Variants in USH2A observed in about 807,000 individuals in gnomAD.
USH2A encodes Usher syndrome 2A (autosomal recessive, mild).
USH2A carries 443 observed loss-of-function variants against 538.9 expected under a neutral mutation model. The observed-to-expected ratio is 0.82, with a 90% confidence interval of 0.76 to 0.89. USH2A has a LOEUF of 0.89. Ranked by LOEUF, USH2A falls within the 40% of genes least tolerant of loss-of-function variation. The probability of loss-of-function intolerance (pLI) is 0.00; values close to 1 mark genes in which losing one functional copy is unlikely to be tolerated. For missense variants in USH2A, 6,633 were observed against 6,324.8 expected (o/e 1.05, Z -1.65); for synonymous variants, 2,413 against 2,273.5 (o/e 1.06, Z -1.75).
At chr1:216,406,119 C>T (rs780723939) in intron 3 of USH2A, among the ~76,000 whole-genome samples, 8 of 152,010 alleles carry the variant, frequency 5.3e-5, no homozygotes, top group Non-Finnish European at 1.0e-4. Context: ...TTCTGCAACT[C>T]GGCTGTGGTG....
intron 3 of USH2A, among the ~76,000 whole-genome samples, chr1:216,394,735 T>TTTTTTTTTTTTTTTA (rs1558069161): frequency 6.9e-6 from 1 of 145,782 alleles, no homozygotes. Flanking sequence ...TTTTTTTTTT[T>TTTTTTTTTTTTTTTA]TGAGACAGAG....
chr1:216,262,084 G>T (rs145905860), intron 11 of USH2A, among the ~76,000 whole-genome samples: 2 of 152,002 alleles, frequency 1.3e-5, no homozygotes, highest in African/African-American at 4.8e-5. Context: ...CCCTATAAGC[G>T]CTAGTCCATA....
At chr1:216,112,559 C>T (rs983697094) in intron 21 of USH2A, among the ~76,000 whole-genome samples, 1 of 152,068 alleles carries the variant, frequency 6.6e-6, no homozygotes, top group Non-Finnish European at 1.5e-5. Context: ...TTTCATTATA[C>T]AAGAATTAAG....
chr1:215,998,967 T>C lies in USH2A; in HGVS notation c.6577A>G (p.Ile2193Val). The stretch of plus-strand genomic sequence containing the variant: ...TGGAAAAGTTCTGTACTGTTATAGA[T>C]GACACTCCAAATTGTAAAATCATGT... ...HTHDFTIWSV[I>V]YNSTELFQDH... Residue 2193 changes from isoleucine to valine, a missense_variant, in exon 34 of 72, where the codon ATC (isoleucine) becomes GTC (valine). By Grantham distance (29) the Ile-to-Val change is conservative. Coordinates refer to ENST00000307340, the MANE Select transcript of USH2A (RefSeq NM_206933.4). 4 of 1,613,096 alleles carry C rather than the reference T, an allele frequency of 2.5e-6. No individual in the cohort carries two copies. The highest frequency in any genetic ancestry group is 3.4e-6 in the Non-Finnish European group (4 of 1,179,282).
chr1:216,366,190 G>A (rs988737745), intron 3 of USH2A, among the ~76,000 whole-genome samples: 17 of 152,118 alleles, frequency 1.1e-4, no homozygotes, highest in African/African-American at 4.1e-4. Context: ...AAAGGGGAGG[G>A]GTTGAGAGAG....
intron 35 of USH2A, among the ~76,000 whole-genome samples, 191 bp from the exon 36 acceptor site, chr1:215,970,967 G>A (rs908066140): frequency 1.3e-5 from 2 of 152,100 alleles, no homozygotes; most frequent in African/African-American, 4.8e-5. Flanking sequence ...ATATCAAACT[G>A]TAAACCTAAT....
rs79448459 is a variant in USH2A at position 215,915,356 on chromosome 1, C to T, written c.7301-14451G>A. Among the ~76,000 whole-genome samples the T allele has an allele frequency of 9.1e-3, 1,382 of 152,088 alleles. 16 individuals are homozygous for T. The highest frequency in any genetic ancestry group is 0.031 in the African/African-American group (1,307 of 41,516). On this transcript the variant is annotated intron_variant, in intron 38 of 71. Coordinates refer to ENST00000307340, the MANE Select transcript of USH2A (RefSeq NM_206933.4). The stretch of plus-strand genomic sequence containing the variant: ...GAACCTAAAGAACTAACTTGGAGAG[C>T]GGATACTGTTGGTAGAATCTAACAG...
intron 15 of USH2A, among the ~76,000 whole-genome samples, chr1:216,215,259 G>T (rs2035321235): frequency 6.6e-6 from 1 of 152,024 alleles, no homozygotes; most frequent in African/African-American, 2.4e-5. Flanking sequence ...AGGGGGTGGG[G>T]TACCATGAGA....
chr1:215,746,219 A>C (rs1047848403), intron 58 of USH2A, among the ~76,000 whole-genome samples: 9 of 152,090 alleles, frequency 5.9e-5, no homozygotes, highest in African/African-American at 1.7e-4. Flanking sequence ...AGATGTTTCC[A>C]TTAAATTAAT....
At chr1:215,836,492 A>ATATATG (rs1663506480) in intron 47 of USH2A, among the ~76,000 whole-genome samples, 1 of 20,438 alleles carries the variant, frequency 4.9e-5, no homozygotes, top group Non-Finnish European at 8.3e-5. Flanking sequence ...TATATATTAT[A>ATATATG]TATATAATAT....
At chr1:215,898,858 A>G (rs1206296481) in intron 40 of USH2A, among the ~76,000 whole-genome samples, 1 of 152,294 alleles carries the variant, frequency 6.6e-6, no homozygotes. Context: ...TGGTGAATTA[A>G]TGCTTTCTGG....
At chr1:215,658,996 G>A (rs1318776909) in intron 64 of USH2A, among the ~76,000 whole-genome samples, 1 of 152,190 alleles carries the variant, frequency 6.6e-6, no homozygotes, top group African/African-American at 2.4e-5. Context: ...AACACATATT[G>A]ACTGAGCCAT....
chr1:216,159,296 A>G (rs1387331688), intron 21 of USH2A, among the ~76,000 whole-genome samples: 2 of 152,020 alleles, frequency 1.3e-5, no homozygotes, highest in African/African-American at 4.8e-5. Flanking sequence ...AGCACTTGAT[A>G]TTTTACTATT....
At chr1:216,422,914 A>C (rs1239315039) in intron 1 of USH2A, among the ~76,000 whole-genome samples, 2 of 152,082 alleles carry the variant, frequency 1.3e-5, no homozygotes, top group Non-Finnish European at 2.9e-5. Context: ...TCTACTTAAC[A>C]GGGAAAAGAA....
rs143240767 is a variant in USH2A at position 215,878,980 on chromosome 1, G to A, written c.8342C>T (p.Thr2781Ile). ...VTSAVLSQKV[T>I]HLIPFTNYSV... ...ATAATTAGTGAAAGGAATCAGATGA[G>A]TAACTTTTTGACTTAACACTGCGGA... Residue 2781 changes from threonine to isoleucine, a missense_variant, in exon 42 of 72, where the codon ACT (threonine) becomes ATT (isoleucine). Coordinates refer to ENST00000307340, the MANE Select transcript of USH2A (RefSeq NM_206933.4). The A allele has an allele frequency of 2.2e-4, 354 of 1,614,120 alleles. No individual in the cohort carries two copies. The East Asian group carries it at 7.8e-3, about 35-fold the overall frequency.
intron 71 of USH2A, among the ~76,000 whole-genome samples, chr1:215,627,808 G>A (rs1020882133): frequency 5.9e-5 from 9 of 152,106 alleles, no homozygotes; most frequent in African/African-American, 1.4e-4. Flanking sequence ...GATTACAGGC[G>A]TAAGCCACTG....
At chr1:215,923,556 G>A (rs1214417862) in intron 38 of USH2A, among the ~76,000 whole-genome samples, 1 of 152,072 alleles carries the variant, frequency 6.6e-6, no homozygotes, top group Non-Finnish European at 1.5e-5. Flanking sequence ...AATCACTGTG[G>A]TTAGGAGAAT....
chr1:215,715,479 T>C lies in USH2A; in HGVS notation c.12066+12551A>G, dbSNP rs965545587. 9.8e-5 allele frequency among the ~76,000 whole-genome samples: 15 copies of C among 152,294 alleles called. No homozygotes were observed. In the East Asian group the frequency reaches 2.9e-3, roughly 29 times the overall value. ...GATGTGTACTTAGTCTCACTATGGG[T>C]TGTGACACTTGATTTAGAAAACACT... On this transcript the variant is annotated intron_variant, in intron 61 of 71. Transcript: ENST00000307340.
At chr1:215,904,948 C>T (rs980370204) in intron 38 of USH2A, among the ~76,000 whole-genome samples, 11 of 152,092 alleles carry the variant, frequency 7.2e-5, no homozygotes, top group East Asian at 1.9e-4. Flanking sequence ...AAATGATATA[C>T]GCCACTGGAC....
Sources: allele counts gnomAD v4.1 joint callset (sites outside exome capture counted in the v4.1 genomes callset), GRCh38; gene constraint gnomAD v4.1.1; transcripts MANE v1.5; gene names NCBI Gene and HGNC (gene_info 2026-07-23, HGNC 2026-07-21).